Variants in RBP3 observed in about 807,000 individuals in gnomAD.
RBP3 encodes retinol binding protein 3.
A neutral mutation model predicts 64.8 loss-of-function variants in RBP3; 50 were observed. The observed-to-expected ratio is 0.77, with a 90% CI of 0.61 to 0.98. RBP3 has a LOEUF of 0.98. Ranked by LOEUF, RBP3 falls within the 50% of genes least tolerant of loss-of-function variation. The pLI is 0.00. For synonymous variants in RBP3, 828 were observed against 730.2 expected, an observed-to-expected ratio of 1.13 and a Z score of -2.16; for missense variants, 1,712 against 1,660.5, an observed-to-expected ratio of 1.03 and a Z score of -0.54.
In RBP3 at chr10:47,349,580, G is replaced by A. The variant is rs1836921119; in HGVS notation, c.1096G>A (p.Glu366Lys). 8 of 1,612,990 alleles carry A rather than the reference G, an allele frequency of 5.0e-6. No individual in the cohort carries two copies. Among genetic ancestry groups the A allele is most frequent in the Non-Finnish European group, 6.8e-6 (8 of 1,180,008 alleles). ...GGACTTCTCCACGGTGGTCTCCGAG[G>A]AAGATCTGGTCACCAAGCTCAATGC... ...SMDFSTVVSEEDLVTKLNAGL... is the reference protein window; with the variant it reads ...SMDFSTVVSEKDLVTKLNAGL... Residue 366 changes from glutamate to lysine, a missense_variant, in exon 1 of 4, where the codon GAA becomes AAA. Coordinates refer to ENST00000584701, the MANE Select transcript of RBP3 (RefSeq NM_002900.3).
rs1555210883 is a variant in RBP3 at position 47,348,723 on chromosome 10, G to A, written c.239G>A (p.Ser80Asn). Residue 80 changes from serine to asparagine, a missense_variant, in exon 1 of 4, where the codon AGC becomes AAC. Physicochemically the swap from Ser to Asn is conservative, Grantham distance 46. Transcript: ENST00000584701. The stretch of plus-strand genomic sequence containing the variant: ...AGTGTGCTGACAGCCGGGGTGCAGA[G>A]CTCCCTGAACGATCCTCGCCTGGTC... Reference protein sequence around the residue: ...LASVLTAGVQSSLNDPRLVIS... With the variant: ...LASVLTAGVQNSLNDPRLVIS... 6.2e-7 allele frequency: 1 copy of A among 1,613,606 alleles called. No homozygotes were observed. The highest frequency in any genetic ancestry group is 1.1e-5 in the South Asian group (1 of 91,080).
chr10:47,356,469 G>T (rs1555211981), intron 3 of RBP3, among the ~76,000 whole-genome samples: 1 of 152,150 alleles, frequency 6.6e-6, no homozygotes, highest in Admixed American at 6.5e-5. Flanking sequence ...AGTGTGATGT[G>T]CTGGAAGTGT....
Position 47,350,179 on chromosome 10 carries a change from A to G in RBP3, c.1695A>G (p.Val565=). 1.9e-6 allele frequency: 3 copies of G among 1,611,984 alleles called. No homozygotes were observed. Among genetic ancestry groups the G allele is most frequent in the Non-Finnish European group, 2.5e-6 (3 of 1,179,984 alleles). Residue 565 remains valine (V), a synonymous_variant, in exon 1 of 4, where the codon GTA becomes GTG. Transcript: ENST00000584701. ...AGTCGCTGGGCTGGGCCACACTGGT[A>G]GGTGAGATCACCGCGGGCAACCTGC... ...LMQSLGWATL[V]GEITAGNLLH...
Position 47,349,621 on chromosome 10 carries a change from G to A in RBP3, c.1137G>A (p.Ala379=), listed in dbSNP as rs782721458. The A allele has an allele frequency of 8.7e-6, 14 of 1,612,632 alleles. No homozygotes were observed. The East Asian group carries it at 8.9e-5, about 10-fold the overall frequency. The part of the protein sequence containing the change: ...VTKLNAGLQA[A]SEDPRLLVRA... ...AGCTCAATGCCGGCCTGCAGGCTGC[G>A]TCTGAGGATCCCAGGCTCCTGGTGC... Residue 379 remains alanine (A), a synonymous_variant, in exon 1 of 4, where the codon GCG becomes GCA. Coordinates refer to ENST00000584701, the MANE Select transcript of RBP3 (RefSeq NM_002900.3).
intron 2 of RBP3, 43 bp downstream of exon 2, chr10:47,353,558 C>A (rs782408450): frequency 1.2e-6 from 2 of 1,603,940 alleles, no homozygotes; most frequent in Admixed American, 3.3e-5. Context: ...GGACGCAGGG[C>A]TGCCAGGGGA....
intron 2 of RBP3, among the ~76,000 whole-genome samples, chr10:47,353,722 T>C (rs1400367642): frequency 1.3e-5 from 2 of 152,254 alleles, no homozygotes; most frequent in Non-Finnish European, 2.9e-5. Flanking sequence ...CTGGTAGTTT[T>C]TGCAAGCTTC....
chr10:47,355,221 C>T (rs782412816), intron 2 of RBP3, among the ~76,000 whole-genome samples, 155 bp from the exon 3 acceptor site: 2 of 152,132 alleles, frequency 1.3e-5, no homozygotes, highest in Admixed American at 6.5e-5. Flanking sequence ...CTGGAAAATG[C>T]CAACCCATGG....
In RBP3 at chr10:47,355,356, C is replaced by T; in HGVS notation, c.3246-20C>T. The stretch of plus-strand genomic sequence containing the variant: ...ACTGTGAGCTCAGCCCCTGAACAGG[C>T]TCTGCTTCCCATCCTTCAGGTTCAA... On this transcript the variant is annotated intron_variant, in intron 2 of 3. Transcript: ENST00000584701. The T allele has an allele frequency of 6.2e-7, 1 of 1,613,202 alleles. No individual in the cohort carries two copies. Among genetic ancestry groups the T allele is most frequent in the Non-Finnish European group, 8.5e-7 (1 of 1,180,028 alleles).
intron 2 of RBP3, among the ~76,000 whole-genome samples, chr10:47,354,980 A>G (rs1837026085): frequency 6.6e-6 from 1 of 152,244 alleles, no homozygotes; most frequent in Non-Finnish European, 1.5e-5. Flanking sequence ...CACAGAATGC[A>G]ACGGGAAAAA....
chr10:47,352,706 T>A (rs1198729507), intron 1 of RBP3, among the ~76,000 whole-genome samples: 1 of 152,252 alleles, frequency 6.6e-6, no homozygotes, highest in Non-Finnish European at 1.5e-5. Context: ...TAGCCTGTGC[T>A]AGGCTTGCAG....
chr10:47,357,359 G>A lies in RBP3; in HGVS notation c.3646G>A (p.Val1216Ile). The A allele has an allele frequency of 6.2e-7, 1 of 1,614,158 alleles. No individual in the cohort carries two copies. Among genetic ancestry groups the A allele is most frequent in the Non-Finnish European group, 8.5e-7 (1 of 1,180,016 alleles). Residue 1216 changes from valine (V) to isoleucine (I), a missense_variant, in exon 4 of 4, where the codon GTT becomes ATT. By Grantham distance (29) the Val-to-Ile change is conservative (BLOSUM62 3). Transcript: ENST00000584701. The part of the protein sequence containing the change: ...WEGVGVTPHV[V>I]VPAEEALARA... ...AGGGGTGGGGGTGACACCCCATGTG[G>A]TTGTCCCTGCAGAAGAGGCTCTCGC... is the stretch of plus-strand genomic sequence containing the variant.
rs1435429358 is a variant in RBP3, at chr10:47,350,901, G to T, written c.2417G>T (p.Arg806Leu). 2 of 1,612,776 alleles carry T rather than the reference G, an allele frequency of 1.2e-6. No individual in the cohort carries two copies. The highest frequency in any genetic ancestry group is 1.7e-6 in the Non-Finnish European group (2 of 1,179,970). Residue 806 changes from arginine (R) to leucine (L), a missense_variant, in exon 1 of 4, where the codon CGC becomes CTC. Transcript: ENST00000584701. Reference sequence around the variant, plus strand: ...TCCTACTTCTTTGAGGCAGAGCCCCGCCAGCACCTGTATTCTGTCTTTGAC... The same window carrying T: ...TCCTACTTCTTTGAGGCAGAGCCCCTCCAGCACCTGTATTCTGTCTTTGAC... ...LCSYFFEAEPRQHLYSVFDRA... is the reference protein window; with the variant it reads ...LCSYFFEAEPLQHLYSVFDRA...
At chr10:47,354,270 T>A (rs1263670062) in intron 2 of RBP3, among the ~76,000 whole-genome samples, 2 of 152,164 alleles carry the variant, frequency 1.3e-5, no homozygotes, top group African/African-American at 4.8e-5. Flanking sequence ...TTGGTGGACA[T>A]GCCCCAGCAC....
At chr10:47,355,547 T>C in intron 3 of RBP3, 29 bp downstream of exon 3, 1 of 1,614,050 alleles carries the variant, frequency 6.2e-7, no homozygotes, top group Non-Finnish European at 8.5e-7. Context: ...TCCTTTCTGC[T>C]GTCATTCTAG....
rs782561116 is a variant in RBP3, at chr10:47,357,346, G to A, written c.3633G>A (p.Val1211=). 1.2e-6 allele frequency: 2 copies of A among 1,614,140 alleles called. No individual in the cohort carries two copies. The highest frequency in any genetic ancestry group is 1.1e-5 in the South Asian group (1 of 91,088). The change falls in exon 4 of 4, where the codon GTG becomes GTA. Residue 1211 remains valine (V), a synonymous_variant. Coordinates refer to ENST00000584701, the MANE Select transcript of RBP3 (RefSeq NM_002900.3). ...SDGSSWEGVG[V]TPHVVVPAEE... ...GCAGCTCCTGGGAAGGGGTGGGGGT[G>A]ACACCCCATGTGGTTGTCCCTGCAG... is the stretch of plus-strand genomic sequence containing the variant.
Position 47,350,294 on chromosome 10 carries a change from G to A in RBP3, c.1810G>A (p.Glu604Lys), listed in dbSNP as rs782120620. ...CCTCACCTTCATCGACAATCACGGC[G>A]AGGCCTGGCTGGGTGGTGGAGTGGT... ...PVLTFIDNHG[E>K]AWLGGGVVPD... Residue 604 changes from glutamate (E) to lysine (K), a missense_variant, in exon 1 of 4, where the codon GAG (glutamate) becomes AAG (lysine). Coordinates refer to ENST00000584701, the MANE Select transcript of RBP3 (RefSeq NM_002900.3). 10 of 1,609,432 alleles carry A rather than the reference G, an allele frequency of 6.2e-6. No individual in the cohort carries two copies. The highest frequency in any genetic ancestry group is 1.3e-5 in the African/African-American group (1 of 74,944).
At position 47,348,463 on chromosome 10, in the gene RBP3, C is replaced by A; in HGVS notation, c.-22C>A. ...AGTCCAGGGAGCTTTTGTGCAGGAGCCAGGCCTCCCCCTGGGTCCCCATGA... is the reference window on the plus strand; with the variant it reads ...AGTCCAGGGAGCTTTTGTGCAGGAGACAGGCCTCCCCCTGGGTCCCCATGA... On this transcript the variant is annotated 5_prime_UTR_variant, in exon 1 of 4. Transcript: ENST00000584701. The A allele has an allele frequency of 1.9e-6, 3 of 1,598,758 alleles. No homozygotes were observed.
intron 1 of RBP3, among the ~76,000 whole-genome samples, chr10:47,352,317 G>C (rs886215922): frequency 6.6e-6 from 1 of 152,178 alleles, no homozygotes; most frequent in Non-Finnish European, 1.5e-5. Flanking sequence ...TTCCTGTCCC[G>C]CATTGGCCAA....
chr10:47,353,547 AG>A, intron 2 of RBP3, 32 bp downstream of exon 2: 1 of 1,611,568 alleles, frequency 6.2e-7, no homozygotes, highest in Non-Finnish European at 8.5e-7. Context: ...CTTCCTAGCC[AG>A]GACGCAGGGC....
Sources: allele counts gnomAD v4.1 joint callset (sites outside exome capture counted in the v4.1 genomes callset), GRCh38; gene constraint gnomAD v4.1.1; transcripts MANE v1.5; gene names NCBI Gene and HGNC (gene_info 2026-07-23, HGNC 2026-07-21).